Variants in HPS5 observed in about 807,000 individuals in gnomAD.
The protein encoded by HPS5 is BLOC-2 complex member HPS5.
HPS5 carries 83 observed loss-of-function variants against 128.0 expected under a neutral mutation model. The ratio of observed to expected loss-of-function variants is 0.65; its 90% confidence interval spans 0.54 to 0.78. The LOEUF is 0.78. Among genes scored for constraint, HPS5 ranks in the 30% least tolerant of loss-of-function variants. The pLI is 0.00. For missense variants in HPS5, 1,281 were observed against 1,326.2 expected (o/e 0.97, Z 0.53); for synonymous variants, 475 against 470.2 (o/e 1.01, Z -0.13).
rs1590052554 is a variant in HPS5, at chr11:18,285,334, A to C, written c.2951+12T>G. ...TAACCTTAACTTCAGTTTCTAAAAA[A>C]TTCTCACTTACCCACAAGACCTGCA... On this transcript the variant is annotated intron_variant, in intron 20 of 22. Transcript: ENST00000349215. 6.4e-7 allele frequency: 1 copy of C among 1,553,280 alleles called. No individual in the cohort carries two copies. The highest frequency in any genetic ancestry group is 2.2e-5 in the East Asian group (1 of 44,536).
chr11:18,317,384 T>C (rs1438161552), intron 2 of HPS5, among the ~76,000 whole-genome samples: 2 of 151,458 alleles, frequency 1.3e-5, no homozygotes, highest in Non-Finnish European at 2.9e-5. Context: ...GCCTCCCGAG[T>C]ACCTGGGATT....
intron 13 of HPS5, 46 bp from the exon 14 acceptor site, chr11:18,295,215 C>T (rs745931732): frequency 1.3e-6 from 2 of 1,574,012 alleles, no homozygotes; most frequent in Non-Finnish European, 1.7e-6. Flanking sequence ...AAACTTATTA[C>T]TGAGAAAACT....
intron 11 of HPS5, 34 bp downstream of exon 11, chr11:18,297,525 C>T: frequency 6.3e-7 from 1 of 1,596,202 alleles, no homozygotes; most frequent in Non-Finnish European, 8.6e-7. Context: ...AAAAATCTTA[C>T]CCTACAAAAT....
intron 12 of HPS5, 188 bp from the exon 13 acceptor site, chr11:18,296,310 A>C: frequency 1.6e-6 from 1 of 620,976 alleles, no homozygotes; most frequent in Non-Finnish European, 2.8e-6. Context: ...CACATAAAAC[A>C]CCGAGGCAGG....
intron 2 of HPS5, among the ~76,000 whole-genome samples, chr11:18,312,521 A>C (rs1294222157): frequency 6.6e-6 from 1 of 152,198 alleles, no homozygotes; most frequent in Non-Finnish European, 1.5e-5. Context: ...CCCGTGGTAA[A>C]AGTTATTAGT....
At chr11:18,301,454 C>CAAAA (rs899074500) in intron 8 of HPS5, among the ~76,000 whole-genome samples, 7,397 of 50,228 alleles carry the variant, frequency 0.15, 400 homozygotes, top group African/African-American at 0.17. Flanking sequence ...GACTCTGTCT[C>CAAAA]AAAAAAAAAA....
intron 18 of HPS5, chr11:18,286,963 C>G (rs535978881): frequency 1.6e-6 from 1 of 612,296 alleles, no homozygotes; most frequent in South Asian, 2.1e-5. Flanking sequence ...AAATAAAAAC[C>G]AGTGTGGCCA....
In HPS5 at chr11:18,286,578, ACTT is replaced by A. The variant is rs762439434; in HGVS notation, c.2837+10_2837+12del. 6.2e-7 allele frequency: 1 copy of A among 1,612,966 alleles called. No individual in the cohort carries two copies. The highest frequency in any genetic ancestry group is 1.3e-5 in the African/African-American group (1 of 74,940). On this transcript the variant is annotated intron_variant, in intron 19 of 22. Transcript: ENST00000349215. The stretch of plus-strand genomic sequence containing the variant: ...GTAAAGAAAAAAACAAAGAAAGAGG[ACTT>A]CTTCTGTACCTGGGATAACCTTCAT...
At chr11:18,295,924 T>C (rs756172919) in intron 13 of HPS5, 75 bp downstream of exon 13, 29 of 1,464,128 alleles carry the variant, frequency 2.0e-5, no homozygotes, top group Non-Finnish European at 2.8e-5. Context: ...TTTTCCATTC[T>C]CAGCACAAAT....
At chr11:18,311,602 C>A (rs1863022277) in intron 3 of HPS5, 151 bp from the exon 4 acceptor site, 1 of 561,478 alleles carries the variant, frequency 1.8e-6, no homozygotes, top group Non-Finnish European at 3.1e-6. Context: ...CCTCCACTTC[C>A]TGGGTTCAAG....
chr11:18,283,908 A>G lies in HPS5; in HGVS notation c.2952-7T>C, dbSNP rs746271674. 1 of 1,597,960 alleles carries G rather than the reference A, an allele frequency of 6.3e-7. No homozygotes were observed. Among genetic ancestry groups the G allele is most frequent in the South Asian group, 1.1e-5 (1 of 90,812 alleles). The stretch of plus-strand genomic sequence containing the variant: ...TAGATATCCAGGCCAGAAACTTTAA[A>G]GAGACCGAAGTTGAAGAAAGGAATA... On this transcript the variant is annotated splice_polypyrimidine_tract_variant and splice_region_variant and intron_variant, in intron 20 of 22. Coordinates refer to ENST00000349215, the MANE Select transcript of HPS5 (RefSeq NM_181507.2).
At chr11:18,298,613 T>A (rs993047683) in intron 10 of HPS5, among the ~76,000 whole-genome samples, 179 bp downstream of exon 10, 2 of 152,250 alleles carry the variant, frequency 1.3e-5, no homozygotes, top group African/African-American at 4.8e-5. Context: ...TTGTACCCTC[T>A]TTCTTACCCT....
intron 13 of HPS5, 127 bp downstream of exon 13, chr11:18,295,872 T>C: frequency 1.0e-6 from 1 of 988,192 alleles, no homozygotes; most frequent in South Asian, 1.4e-5. Context: ...AATAGCTCCA[T>C]ATGACAAGTT....
intron 8 of HPS5, 30 bp downstream of exon 8, chr11:18,305,392 C>G (rs771575861): frequency 1.4e-6 from 2 of 1,401,870 alleles, no homozygotes; most frequent in South Asian, 2.3e-5. Context: ...TTCTTTTTCC[C>G]CCCCAGAACT....
chr11:18,311,868 G>C (rs1317189896), intron 3 of HPS5, 46 bp downstream of exon 3: 1 of 1,245,178 alleles, frequency 8.0e-7, no homozygotes, highest in East Asian at 2.3e-5. Flanking sequence ...TTGCATTTAT[G>C]AAAGAGACTC....
intron 14 of HPS5, 76 bp from the exon 15 acceptor site, chr11:18,293,052 C>G: frequency 1.8e-6 from 2 of 1,086,028 alleles, no homozygotes; most frequent in Non-Finnish European, 2.9e-6. Flanking sequence ...GACAGGGTCT[C>G]ACTCTGTCAC....
Position 18,296,080 on chromosome 11 carries a change from T to C in HPS5, c.1553A>G (p.Asn518Ser). The C allele has an allele frequency of 6.2e-7, 1 of 1,613,296 alleles. No individual in the cohort carries two copies. Among genetic ancestry groups the C allele is most frequent in the South Asian group, 1.1e-5 (1 of 91,076 alleles). Residue 518 changes from asparagine (N) to serine (S), a missense_variant, in exon 13 of 23, where the codon AAT (asparagine) becomes AGT (serine). Transcript: ENST00000349215. Reference protein sequence around the residue: ...HAPVMFETDKNETFLPFGIPL... With the variant: ...HAPVMFETDKSETFLPFGIPL... Reference sequence around the variant, plus strand: ...AATGCCGAACGGGAGAAAAGTTTCATTCTTATCTGTCTCAAACATCACTGG... The same window carrying C: ...AATGCCGAACGGGAGAAAAGTTTCACTCTTATCTGTCTCAAACATCACTGG...
In HPS5 at chr11:18,310,897, C is replaced by T. The variant is rs977482750; in HGVS notation, c.321G>A (p.Glu107=). The T allele has an allele frequency of 3.7e-6, 6 of 1,614,156 alleles. No individual in the cohort carries two copies. Among genetic ancestry groups the T allele is most frequent in the South Asian group, 1.1e-5 (1 of 91,086 alleles). ...ACATTTGTTCCGGTTTCCCACGACG[C>T]TCTTGATTTAATTCCCAAACAACCA... ...GLVVVWELNQ[E]RRGKPEQMYV... is the part of the protein sequence containing the mutation. Residue 107 remains glutamate, a synonymous_variant, in exon 5 of 23, where the codon GAG becomes GAA. Coordinates refer to ENST00000349215, the MANE Select transcript of HPS5 (RefSeq NM_181507.2).
At chr11:18,311,159 G>A (rs1030567873) in intron 4 of HPS5, among the ~76,000 whole-genome samples, 1 of 152,106 alleles carries the variant, frequency 6.6e-6, no homozygotes, top group Non-Finnish European at 1.5e-5. Context: ...ATCTTTTAAG[G>A]CCTTTGAAAT....
Sources: allele counts gnomAD v4.1 joint callset (sites outside exome capture counted in the v4.1 genomes callset), GRCh38; gene constraint gnomAD v4.1.1; transcripts MANE v1.5; gene names NCBI Gene and HGNC (gene_info 2026-07-23, HGNC 2026-07-21).